PPP6R3: variants seen among roughly 807,000 people sequenced by gnomAD.
PPP6R3 encodes protein phosphatase 6 regulatory subunit 3.
PPP6R3 carries 38 observed loss-of-function variants against 110.7 expected under a neutral mutation model. That is an observed-to-expected ratio of 0.34 (90% CI 0.26 to 0.45). PPP6R3 has a LOEUF of 0.45. Ranked by LOEUF, PPP6R3 falls within the 20% of genes least tolerant of loss-of-function variation. The pLI is 1.00. For missense variants in PPP6R3, 870 were observed against 1,062.4 expected (o/e 0.82, Z 2.52); for synonymous variants, 369 against 373.5 (o/e 0.99, Z 0.14).
chr11:68,555,323 G>T (rs1388144054), intron 7 of PPP6R3, among the ~76,000 whole-genome samples: 1 of 152,096 alleles, frequency 6.6e-6, no homozygotes, highest in Non-Finnish European at 1.5e-5. Context: ...TTGTAAAATT[G>T]CCATTTCAGT....
chr11:68,476,068 G>A (rs1439035189), intron 1 of PPP6R3, among the ~76,000 whole-genome samples: 1 of 152,118 alleles, frequency 6.6e-6, no homozygotes, highest in African/African-American at 2.4e-5. Flanking sequence ...GGTGGCGGCC[G>A]GGCAGAGGCT....
At position 68,537,814 on chromosome 11, in the gene PPP6R3, A is replaced by C. The variant is rs1263158286; in HGVS notation, c.150A>C (p.Lys50Asn). The change falls in exon 3 of 24, where the codon AAA becomes AAC. Residue 50 changes from lysine to asparagine, a missense_variant. By Grantham distance (94) the Lys-to-Asn change is moderately conservative. Transcript: ENST00000393800. ...GCAAACTTATAGAGTTTCTGTTAAA[A>C]GCAGAATGTCTCGAAGATTTAGTCT... ...QNRKLIEFLL[K>N]AECLEDLVSF... is the part of the protein sequence containing the mutation. The C allele has an allele frequency of 1.2e-6, 2 of 1,614,126 alleles. No homozygotes were observed. Among genetic ancestry groups the C allele is most frequent in the Admixed American group, 3.3e-5 (2 of 60,032 alleles).
chr11:68,605,746 G>C (rs1939348460), intron 22 of PPP6R3, among the ~76,000 whole-genome samples: 1 of 152,198 alleles, frequency 6.6e-6, no homozygotes, highest in Non-Finnish European at 1.5e-5. Flanking sequence ...ATGAGAGATA[G>C]TCTAATTTTT....
intron 2 of PPP6R3, among the ~76,000 whole-genome samples, chr11:68,531,580 C>G (rs2099240925): frequency 6.6e-6 from 1 of 152,106 alleles, no homozygotes; most frequent in East Asian, 1.9e-4. Flanking sequence ...ACGTGAGCCA[C>G]CATGCCCAGC....
chr11:68,561,619 T>C (rs963104161), intron 8 of PPP6R3, among the ~76,000 whole-genome samples: 7 of 152,210 alleles, frequency 4.6e-5, no homozygotes, highest in Non-Finnish European at 7.3e-5. Flanking sequence ...CTTCAAAATC[T>C]TCACATCAAC....
At chr11:68,561,026 A>T (rs2099417215) in intron 8 of PPP6R3, among the ~76,000 whole-genome samples, 1 of 150,284 alleles carries the variant, frequency 6.7e-6, no homozygotes, top group African/African-American at 2.4e-5. Flanking sequence ...TCTCCCGAGT[A>T]GCTGGGACTA....
At chr11:68,544,770 A>T (rs940105682) in intron 3 of PPP6R3, 68 bp from the exon 4 acceptor site, 1 of 1,103,948 alleles carries the variant, frequency 9.1e-7, no homozygotes, top group South Asian at 2.1e-5. Flanking sequence ...AGCCTTTCTG[A>T]TTTGTGTTTA....
intron 15 of PPP6R3, among the ~76,000 whole-genome samples, chr11:68,584,849 A>C (rs1177004023): frequency 6.6e-6 from 1 of 152,178 alleles, no homozygotes; most frequent in Non-Finnish European, 1.5e-5. Flanking sequence ...CTTCCAGTAC[A>C]TTTTTCTTTG....
At chr11:68,547,086 T>C (rs2099352208) in intron 4 of PPP6R3, among the ~76,000 whole-genome samples, 2 of 152,246 alleles carry the variant, frequency 1.3e-5, no homozygotes, top group Non-Finnish European at 2.9e-5. Context: ...TTGTCATTTC[T>C]GGCTATTAGA....
chr11:68,522,043 T>A lies in PPP6R3; in HGVS notation c.-7+2392T>A, dbSNP rs542951105. Among the ~76,000 whole-genome samples the A allele has an allele frequency of 1.6e-3, 249 of 152,368 alleles. 3 individuals are homozygous for A. The highest frequency in any genetic ancestry group is 0.01 in the Middle Eastern group (3 of 294). ...ATTCTCTATCAGTCCCCAAGCATAT[T>A]ACTTCAGTTGAGTATATTCATTATT... On this transcript the variant is annotated intron_variant, in intron 2 of 23. Coordinates refer to ENST00000393800, the MANE Select transcript of PPP6R3 (RefSeq NM_001164161.2).
intron 15 of PPP6R3, chr11:68,587,564 G>T: frequency 3.6e-6 from 1 of 277,920 alleles, no homozygotes; most frequent in South Asian, 3.6e-5. Flanking sequence ...GATAAAGTTG[G>T]TTGTGTCCAG....
chr11:68,540,462 AGTG>A (rs1370449639), intron 3 of PPP6R3, among the ~76,000 whole-genome samples: 1 of 152,230 alleles, frequency 6.6e-6, no homozygotes, highest in African/African-American at 2.4e-5. Context: ...TCACAAGGCA[AGTG>A]GAGGCAGGGC....
intron 2 of PPP6R3, among the ~76,000 whole-genome samples, chr11:68,529,328 C>G (rs536658751): frequency 2.6e-5 from 4 of 152,266 alleles, no homozygotes; most frequent in African/African-American, 9.6e-5. Flanking sequence ...AAGTGATTCT[C>G]CTGCCTCAAC....
chr11:68,519,659 C>T lies in PPP6R3; in HGVS notation c.-7+8C>T. On this transcript the variant is annotated splice_region_variant and intron_variant, in intron 2 of 23. Transcript: ENST00000393800. Reference sequence around the variant, plus strand: ...TTAAACTTGGTTTGAAAGGTAAGACCATTACGATTAGCAGGAGTTTCCTTC... The same window carrying T: ...TTAAACTTGGTTTGAAAGGTAAGACTATTACGATTAGCAGGAGTTTCCTTC... 2.5e-6 allele frequency: 1 copy of T among 398,408 alleles called. No homozygotes were observed. Among genetic ancestry groups the T allele is most frequent in the East Asian group, 3.6e-5 (1 of 28,062 alleles). The allele number at this position is 398,408 out of a possible 1,614,324, so 24.7% of individuals were successfully genotyped here.
At chr11:68,539,888 G>T (rs1293374562) in intron 3 of PPP6R3, among the ~76,000 whole-genome samples, 1 of 152,230 alleles carries the variant, frequency 6.6e-6, no homozygotes, top group African/African-American at 2.4e-5. Context: ...TCTGGTCAGA[G>T]CCATGCAGGA....
At chr11:68,545,604 G>T (rs2099346272) in intron 4 of PPP6R3, among the ~76,000 whole-genome samples, 1 of 152,182 alleles carries the variant, frequency 6.6e-6, no homozygotes, top group Non-Finnish European at 1.5e-5. Context: ...GGTTCTCTAA[G>T]TGTGGTCCCT....
intron 2 of PPP6R3, among the ~76,000 whole-genome samples, chr11:68,526,445 T>G (rs1276978728): frequency 6.6e-6 from 1 of 152,072 alleles, no homozygotes; most frequent in Non-Finnish European, 1.5e-5. Flanking sequence ...GATCTCCCTT[T>G]GTTGCCTAGG....
At chr11:68,608,193 A>G (rs1941385465) in intron 22 of PPP6R3, among the ~76,000 whole-genome samples, 1 of 152,216 alleles carries the variant, frequency 6.6e-6, no homozygotes, top group South Asian at 2.1e-4. Context: ...TAAATCAACA[A>G]GAGACTGACA....
chr11:68,567,551 A>G (rs1234808619), intron 10 of PPP6R3, among the ~76,000 whole-genome samples: 1 of 152,178 alleles, frequency 6.6e-6, no homozygotes. Flanking sequence ...CTGACGCCAT[A>G]TGGTCTTAAT....
Sources: gnomAD v4.1 joint callset for allele counts (sites outside exome capture counted in the v4.1 genomes callset) on GRCh38, gnomAD v4.1.1 for gene constraint, MANE v1.5 for transcripts, NCBI Gene and HGNC (gene_info 2026-07-23, HGNC 2026-07-21) for gene names.